The following DKK2 variants were observed in gnomAD, a reference collection of about 807,000 sequenced individuals.
DKK2 encodes the protein dickkopf-related protein 2.
Under a neutral mutation model 28.1 loss-of-function variants are expected in DKK2, and 11 were observed. The observed-to-expected ratio is 0.39, with a 90% confidence interval of 0.25 to 0.65. The LOEUF (loss-of-function observed/expected upper bound fraction) is 0.65, where lower values mean the gene tolerates loss of function less well. Among genes scored for constraint, DKK2 ranks in the 30% least tolerant of loss-of-function variants. The pLI is 0.47. For missense variants in DKK2, 326 were observed against 335.5 expected, an observed-to-expected ratio of 0.97 and a Z score of 0.22; for synonymous variants, 135 against 126.5, an observed-to-expected ratio of 1.07 and a Z score of -0.45.
Position 106,939,203 on chromosome 4 carries a change from C to T in DKK2, c.223-13254G>A, listed in dbSNP as rs534641331. Among the ~76,000 whole-genome samples, 4 of 152,216 alleles carry T rather than the reference C, an allele frequency of 2.6e-5. No homozygotes were observed. In the South Asian group the frequency reaches 8.3e-4, roughly 32 times the overall value. ...GTTTGCAGATGACATGACTGTATAT[C>T]TAGAAAACCCCATTATCTCAGCCCA... On this transcript the variant is annotated intron_variant, in intron 1 of 3. Coordinates refer to ENST00000285311, the MANE Select transcript of DKK2 (RefSeq NM_014421.3).
chr4:107,023,477 T>C (rs1269688713), intron 1 of DKK2, among the ~76,000 whole-genome samples: 1 of 151,968 alleles, frequency 6.6e-6, no homozygotes, highest in Non-Finnish European at 1.5e-5. Context: ...TATCAGGCAT[T>C]AGAGAGGAGG....
chr4:106,962,912 A>AAAAAT (rs1190177428), intron 1 of DKK2, among the ~76,000 whole-genome samples: 1 of 152,010 alleles, frequency 6.6e-6, no homozygotes, highest in East Asian at 1.9e-4. Context: ...TCAATAGAAA[A>AAAAAT]AAAATAAAAT....
At chr4:106,994,395 T>C (rs1383342763) in intron 1 of DKK2, among the ~76,000 whole-genome samples, 1 of 152,006 alleles carries the variant, frequency 6.6e-6, no homozygotes, top group Non-Finnish European at 1.5e-5. Flanking sequence ...TCATCCCCCT[T>C]TCTTCTAGAA....
intron 1 of DKK2, among the ~76,000 whole-genome samples, chr4:106,956,643 C>A (rs1722596675): frequency 6.6e-6 from 1 of 152,084 alleles, no homozygotes; most frequent in Non-Finnish European, 1.5e-5. Context: ...GAAAAACAAG[C>A]AATGGGGAAA....
At chr4:106,981,224 GA>G (rs890210107) in intron 1 of DKK2, among the ~76,000 whole-genome samples, 18 of 151,078 alleles carry the variant, frequency 1.2e-4, no homozygotes, top group East Asian at 1.9e-4. Context: ...TAAATTGAAG[GA>G]AAAAAAAGAA....
intron 1 of DKK2, among the ~76,000 whole-genome samples, chr4:106,972,480 CAAG>C (rs1722883084): frequency 6.7e-6 from 1 of 150,342 alleles, no homozygotes; most frequent in Non-Finnish European, 1.5e-5. Context: ...TGTTAAAAGA[CAAG>C]GAGGGTAAGA....
intron 1 of DKK2, among the ~76,000 whole-genome samples, chr4:106,988,517 G>A (rs2110360894): frequency 6.6e-6 from 1 of 152,272 alleles, no homozygotes; most frequent in African/African-American, 2.4e-5. Flanking sequence ...GGAAGTTCCT[G>A]TTACTCTCCT....
intron 1 of DKK2, among the ~76,000 whole-genome samples, chr4:106,928,555 A>G (rs1724455809): frequency 6.6e-6 from 1 of 152,206 alleles, no homozygotes; most frequent in African/African-American, 2.4e-5. Flanking sequence ...CAGTCTTTAT[A>G]TATGAATACA....
intron 1 of DKK2, among the ~76,000 whole-genome samples, chr4:106,969,822 C>T (rs1722839451): frequency 6.6e-6 from 1 of 151,998 alleles, no homozygotes; most frequent in Non-Finnish European, 1.5e-5. Context: ...TTAAATAGGT[C>T]AGATATCTAC....
intron 1 of DKK2, among the ~76,000 whole-genome samples, chr4:106,934,272 A>C (rs747377354): frequency 1.3e-5 from 2 of 152,162 alleles, no homozygotes; most frequent in Non-Finnish European, 2.9e-5. Context: ...TACCTATTAA[A>C]ATTAATGCAA....
chr4:106,948,311 T>TCTGC, intron 1 of DKK2, among the ~76,000 whole-genome samples: 2 of 152,176 alleles, frequency 1.3e-5, no homozygotes, highest in Non-Finnish European at 2.9e-5. Context: ...AGTAGGTCTG[T>TCTGC]GTGGGGCCTG....
At chr4:106,995,945 A>G (rs995875825) in intron 1 of DKK2, among the ~76,000 whole-genome samples, 3 of 152,120 alleles carry the variant, frequency 2.0e-5, no homozygotes, top group African/African-American at 7.2e-5. Context: ...CTCTTTCTCC[A>G]TGGGCACTCC....
chr4:106,967,567 A>G (rs1253500870), intron 1 of DKK2, among the ~76,000 whole-genome samples: 1 of 152,152 alleles, frequency 6.6e-6, no homozygotes, highest in Non-Finnish European at 1.5e-5. Flanking sequence ...TTTGCCCTGG[A>G]AGAAACAGGA....
chr4:106,953,116 G>T (rs1722511882), intron 1 of DKK2, among the ~76,000 whole-genome samples: 1 of 151,936 alleles, frequency 6.6e-6, no homozygotes, highest in Admixed American at 6.6e-5. Flanking sequence ...TTCCTCCTAG[G>T]TAACCACGTT....
chr4:106,925,855 T>C lies in DKK2; in HGVS notation c.317A>G (p.Lys106Arg). 1.2e-6 allele frequency: 2 copies of C among 1,613,314 alleles called. No individual in the cohort carries two copies. The highest frequency in any genetic ancestry group is 1.7e-6 in the Non-Finnish European group (2 of 1,179,694). ...GSSACMVCRRKKKRCHRDGMC... is the reference protein window; with the variant it reads ...GSSACMVCRRRKKRCHRDGMC... ...GCCATCTCGGTGGCAGCGCTTCTTT[T>C]TTCTCCGACACACCATGCAGGCCGA... The change falls in exon 2 of 4, where the codon AAA becomes AGA. Residue 106 changes from lysine to arginine, a missense_variant. Transcript: ENST00000285311.
intron 1 of DKK2, among the ~76,000 whole-genome samples, chr4:106,994,519 A>G (rs1222887352): frequency 6.6e-6 from 1 of 151,420 alleles, no homozygotes. Context: ...ACACACACAC[A>G]TAGGACAAGT....
At chr4:106,998,853 C>T (rs1272673271) in intron 1 of DKK2, among the ~76,000 whole-genome samples, 1 of 152,046 alleles carries the variant, frequency 6.6e-6, no homozygotes, top group Non-Finnish European at 1.5e-5. Flanking sequence ...TTTTTTATCT[C>T]ACAAATTGAT....
intron 1 of DKK2, among the ~76,000 whole-genome samples, chr4:106,964,983 AGATAGATAGATAGATAGATAGATT>A (rs1211822780): frequency 6.0e-5 from 9 of 150,028 alleles, no homozygotes; most frequent in African/African-American, 2.2e-4. Context: ...ATAGATAGAT[AGATAGATAGATAGATAGATAGATT>A]GATTGATTCT....
chr4:106,978,346 C>G (rs1722974310), intron 1 of DKK2, among the ~76,000 whole-genome samples: 1 of 152,194 alleles, frequency 6.6e-6, no homozygotes, highest in Non-Finnish European at 1.5e-5. Context: ...CCACAGCCAC[C>G]CCTTCCCCCA....
Sources: allele counts gnomAD v4.1 joint callset (sites outside exome capture counted in the v4.1 genomes callset), GRCh38; gene constraint gnomAD v4.1.1; transcripts MANE v1.5; gene names NCBI Gene and HGNC (gene_info 2026-07-23, HGNC 2026-07-21).